Variants in TMEM131L observed in about 807,000 individuals in gnomAD.
TMEM131L encodes transmembrane 131 like, also known as transmembrane protein 131-like.
Under a neutral mutation model 192.2 loss-of-function variants are expected in TMEM131L, and 54 were observed. The observed-to-expected ratio is 0.28, with a 90% CI of 0.23 to 0.35. The LOEUF is 0.35. Among genes scored for constraint, TMEM131L ranks in the 10% least tolerant of loss-of-function variants. The pLI, the probability that TMEM131L is intolerant of heterozygous loss-of-function variation, is 1.00. For synonymous variants in TMEM131L, 701 were observed against 704.9 expected (o/e 0.99, Z 0.09); for missense variants, 1,888 against 1,972.9 (o/e 0.96, Z 0.82).
intron 3 of TMEM131L, among the ~76,000 whole-genome samples, chr4:153,483,503 C>T (rs759716931): frequency 9.2e-5 from 14 of 151,882 alleles, no homozygotes; most frequent in Non-Finnish European, 1.5e-4. Flanking sequence ...TCGATAGCAG[C>T]GTGGGTCACA....
chr4:153,481,692 C>T (rs984732907), intron 3 of TMEM131L, among the ~76,000 whole-genome samples: 5 of 152,092 alleles, frequency 3.3e-5, no homozygotes, highest in East Asian at 1.9e-4. Context: ...CCTGCCACCA[C>T]GGCTGGCTGA....
intron 3 of TMEM131L, among the ~76,000 whole-genome samples, chr4:153,544,028 T>C (rs1736987881): frequency 6.6e-6 from 1 of 152,232 alleles, no homozygotes; most frequent in Non-Finnish European, 1.5e-5. Context: ...AAACCTTTCC[T>C]CTTGTCCATG....
chr4:153,483,091 A>G (rs1162942380), intron 3 of TMEM131L, among the ~76,000 whole-genome samples: 1 of 152,212 alleles, frequency 6.6e-6, no homozygotes, highest in Non-Finnish European at 1.5e-5. Flanking sequence ...TAGGCAAAAC[A>G]CTTCGTTAAT....
chr4:153,598,684 T>A lies in TMEM131L; in HGVS notation c.2218T>A (p.Ser740Thr). The change falls in exon 21 of 35, where the codon TCA (serine) becomes ACA (threonine). Residue 740 changes from serine (S) to threonine (T), a missense_variant. Ser to Thr is a moderately conservative substitution (Grantham distance 58). Transcript: ENST00000409959. ...TGGAAGACTTCCTGGTGCAGGAGGC[T>A]CACTCCGATTTAAGGTGCCCGAGTC... is the stretch of plus-strand genomic sequence containing the variant. ...VGGRLPGAGGSLRFKVPESTL... is the reference protein window; with the variant it reads ...VGGRLPGAGGTLRFKVPESTL... 1 of 1,613,998 alleles carries A rather than the reference T, an allele frequency of 6.2e-7. No homozygotes were observed. Among genetic ancestry groups the A allele is most frequent in the Non-Finnish European group, 8.5e-7 (1 of 1,179,952 alleles).
At chr4:153,490,219 C>T (rs188455581) in intron 3 of TMEM131L, among the ~76,000 whole-genome samples, 1 of 152,236 alleles carries the variant, frequency 6.6e-6, no homozygotes, top group East Asian at 1.9e-4. Flanking sequence ...ATGTCACATC[C>T]AAATTGCGTG....
At chr4:153,524,674 C>T (rs1286951119) in intron 3 of TMEM131L, among the ~76,000 whole-genome samples, 5 of 152,204 alleles carry the variant, frequency 3.3e-5, no homozygotes, top group African/African-American at 1.2e-4. Context: ...AGATCCTTGA[C>T]TTTGGGCAAG....
At chr4:153,554,097 A>G (rs1440610922) in intron 4 of TMEM131L, 1 of 152,176 alleles carries the variant, frequency 6.6e-6, no homozygotes, top group Non-Finnish European at 1.5e-5. Context: ...TGTACATGGG[A>G]TATAAAGCTT....
intron 3 of TMEM131L, among the ~76,000 whole-genome samples, chr4:153,474,256 C>A (rs1371889739): frequency 6.6e-6 from 1 of 152,164 alleles, no homozygotes; most frequent in Non-Finnish European, 1.5e-5. Flanking sequence ...TAAGACTTTA[C>A]TGTAAGTAAA....
At chr4:153,503,801 G>C (rs573111671) in intron 3 of TMEM131L, among the ~76,000 whole-genome samples, 1 of 152,204 alleles carries the variant, frequency 6.6e-6, no homozygotes, top group East Asian at 1.9e-4. Flanking sequence ...AGTGATGAAG[G>C]GTCATGAAAA....
chr4:153,517,441 T>G (rs1441169360), intron 3 of TMEM131L, among the ~76,000 whole-genome samples: 2 of 152,166 alleles, frequency 1.3e-5, no homozygotes, highest in Non-Finnish European at 2.9e-5. Context: ...TGTTTTTTAT[T>G]AAGTCTTCAG....
In TMEM131L at chr4:153,555,970, T is replaced by G. The variant is rs201600280; in HGVS notation, c.432+60T>G. ...GGCAGGCAGCCAGGTTTTCTTGCTTTCTTTGGCCTGAAGTTTTTACTTTCT... is the reference window on the plus strand; with the variant it reads ...GGCAGGCAGCCAGGTTTTCTTGCTTGCTTTGGCCTGAAGTTTTTACTTTCT... On this transcript the variant is annotated intron_variant, in intron 5 of 34. Transcript: ENST00000409959. The surrounding 1 kb of genome is among the most constrained non-coding windows in gnomAD (Gnocchi z 4.1). 12 of 1,531,234 alleles carry G rather than the reference T, an allele frequency of 7.8e-6. No homozygotes were observed. The East Asian group carries it at 2.5e-4, about 32-fold the overall frequency. 94.9% of individuals were successfully genotyped at this position (1,531,234 alleles called of 1,614,324 possible). A position where few individuals can be genotyped will look rare whatever the true frequency, so the allele number is the denominator to read the frequency against.
At chr4:153,507,665 A>G (rs1464206163) in intron 3 of TMEM131L, among the ~76,000 whole-genome samples, 1 of 152,174 alleles carries the variant, frequency 6.6e-6, no homozygotes, top group Non-Finnish European at 1.5e-5. Context: ...AGTTTCTCCC[A>G]TTTGAGTGAG....
chr4:153,602,547 C>T lies in TMEM131L; in HGVS notation c.2459C>T (p.Thr820Ile), dbSNP rs770886544. 2 of 1,613,850 alleles carry T rather than the reference C, an allele frequency of 1.2e-6. No individual in the cohort carries two copies. The highest frequency in any genetic ancestry group is 1.1e-5 in the South Asian group (1 of 91,070). Residue 820 changes from threonine to isoleucine, a missense_variant, in exon 23 of 35, where the codon ACT becomes ATT. By Grantham distance (89) the Thr-to-Ile change is moderately conservative. Transcript: ENST00000409959. ...NTSRDISIVF[T>I]PDFTSSWVIR... is the part of the protein sequence containing the mutation. ...GATGACTCTTTTATTTTCAGGTTCACTCCAGACTTTACCTCCTCCTGGGTA... is the reference window on the plus strand; with the variant it reads ...GATGACTCTTTTATTTTCAGGTTCATTCCAGACTTTACCTCCTCCTGGGTA...
At chr4:153,491,803 C>T (rs539886313) in intron 3 of TMEM131L, among the ~76,000 whole-genome samples, 2 of 152,178 alleles carry the variant, frequency 1.3e-5, no homozygotes, top group South Asian at 4.2e-4. Flanking sequence ...GACTCCCGGG[C>T]TCAAGCCATC....
At chr4:153,598,309 T>C (rs1731589881) in intron 20 of TMEM131L, among the ~76,000 whole-genome samples, 1 of 152,136 alleles carries the variant, frequency 6.6e-6, no homozygotes, top group Non-Finnish European at 1.5e-5. Context: ...TATATGAGGC[T>C]ACATGTGTGG....
intron 3 of TMEM131L, among the ~76,000 whole-genome samples, chr4:153,487,741 ACC>A (rs939150393): frequency 6.8e-6 from 1 of 147,682 alleles, no homozygotes; most frequent in Non-Finnish European, 1.5e-5. Context: ...AGAGAGAGAC[ACC>A]CTCGTGGGCC....
intron 3 of TMEM131L, among the ~76,000 whole-genome samples, chr4:153,527,011 A>G (rs1395704095): frequency 6.6e-6 from 1 of 152,140 alleles, no homozygotes; most frequent in East Asian, 1.9e-4. Context: ...AGACATGGCA[A>G]TTAAATGTTG....
At chr4:153,479,948 T>C (rs1032378219) in intron 3 of TMEM131L, among the ~76,000 whole-genome samples, 2 of 152,258 alleles carry the variant, frequency 1.3e-5, no homozygotes, top group African/African-American at 4.8e-5. Context: ...CAGTGGCTCA[T>C]GCCTGTAATC....
In TMEM131L at chr4:153,468,227, C is replaced by G. The variant is rs565821862; in HGVS notation, c.195+946C>G. 3.3e-5 allele frequency among the ~76,000 whole-genome samples: 5 copies of G among 152,254 alleles called. No homozygotes were observed. The East Asian group carries it at 9.6e-4, about 29-fold the overall frequency. On this transcript the variant is annotated intron_variant, in intron 2 of 34. Transcript: ENST00000409959. ...TTTTCTCCCTCCTATGTGAAACATT[C>G]AGAGTGCTGGTTTTGAGATATTTAG...
Sources: gnomAD v4.1 joint callset for allele counts (sites outside exome capture counted in the v4.1 genomes callset) on GRCh38, gnomAD v4.1.1 for gene constraint, Gnocchi (gnomAD v3.1) non-coding constraint, MANE v1.5 for transcripts, NCBI Gene and HGNC (gene_info 2026-07-23, HGNC 2026-07-21) for gene names.